C17orf58: variants seen among roughly 807,000 people sequenced by gnomAD.
C17orf58 encodes the protein chromosome 17 open reading frame 58.
C17orf58 carries 5 observed loss-of-function variants against 7.4 expected under a neutral mutation model. The ratio of observed to expected loss-of-function variants is 0.67; its 90% CI spans 0.35 to 1.42. The LOEUF (loss-of-function observed/expected upper bound fraction) is 1.42, where lower values mean the gene tolerates loss of function less well. Among genes scored for constraint, C17orf58 ranks in the 40% most tolerant of loss-of-function variants. The pLI, the probability that C17orf58 is intolerant of heterozygous loss-of-function variation, is 0.04. For synonymous variants in C17orf58, 60 were observed against 70.6 expected, an observed-to-expected ratio of 0.85 and a Z score of 0.75; for missense variants, 162 against 174.2, an observed-to-expected ratio of 0.93 and a Z score of 0.40.
At position 67,994,535 on chromosome 17, in the gene C17orf58, T is replaced by TATATATATATATATATATATAA. The variant is rs71142122; in HGVS notation, c.77-552_77-551insTTATATATATATATATATATAT. ...GTGTGTGTATATATATATATATATA[T>TATATATATATATATATATATAA]AAAACATATATAAACATCCGCCTCT... is the stretch of plus-strand genomic sequence containing the variant. On this transcript the variant is annotated intron_variant, in intron 1 of 3. Coordinates refer to ENST00000580729, the MANE Select transcript of C17orf58 (RefSeq NM_001382359.1). Among the ~76,000 whole-genome samples, 182 of 99,572 alleles carry TATATATATATATATATATATAA rather than the reference T, an allele frequency of 1.8e-3. 2 individuals are homozygous for TATATATATATATATATATATAA. The highest frequency in any genetic ancestry group is 2.5e-3 in the Non-Finnish European group (108 of 43,566). 65.3% of individuals were successfully genotyped at this position (99,572 alleles called of 152,430 possible). A position where few individuals can be genotyped will look rare whatever the true frequency, so the allele number is the denominator to read the frequency against.
Position 67,993,670 on chromosome 17 carries a change from C to T in C17orf58, c.391G>A (p.Ala131Thr), listed in dbSNP as rs2148737447. The T allele has an allele frequency of 6.8e-6, 1 of 146,266 alleles. No homozygotes were observed. Among genetic ancestry groups the T allele is most frequent in the South Asian group, 1.8e-4 (1 of 5,586 alleles). The allele number at this position is 146,266 out of a possible 1,614,324, so 9.1% of individuals were successfully genotyped here. The change falls in exon 2 of 4, where the codon GCC (alanine) becomes ACC (threonine). Residue 131 changes from alanine (A) to threonine (T), a missense_variant. Transcript: ENST00000580729. This position sits in a 1 kb window ranked among gnomAD's most constrained non-coding sequence, Gnocchi z 5.1. The part of the protein sequence containing the change: ...EDAPRRARSR[A>T]LRFPAARPPA... ...GGCCGGGCGGCGGGGAAGCGCAGGG[C>T]CCGTGAGCGCGCGCGTCGCGGGGCG...
intron 1 of C17orf58, among the ~76,000 whole-genome samples, chr17:67,994,498 G>A (rs1432949891): frequency 8.7e-5 from 7 of 80,502 alleles, no homozygotes; most frequent in South Asian, 4.2e-4. Flanking sequence ...GTGTGCGTGT[G>A]TGTGTGTGTG....
chr17:67,992,083 C>T lies in C17orf58; in HGVS notation c.850G>A (p.Gly284Ser). The T allele has an allele frequency of 6.3e-7, 1 of 1,595,766 alleles. No homozygotes were observed. The highest frequency in any genetic ancestry group is 8.5e-7 in the Non-Finnish European group (1 of 1,172,408). ...FKPGSRYIVM[G>S]HIYHKRRQLP... is the part of the protein sequence containing the mutation. ...TGCCGTCTCTTATGGTAGATGTGGC[C>T]CATCACAATATACCTGCTGCCTGGA... The change falls in exon 4 of 4, where the codon GGC becomes AGC. Residue 284 changes from glycine to serine, a missense_variant. Physicochemically the swap from Gly to Ser is moderately conservative, Grantham distance 56. Transcript: ENST00000580729.
Position 67,991,954 on chromosome 17 carries a change from C to G in C17orf58, c.979G>C (p.Glu327Gln). 6.2e-7 allele frequency: 1 copy of G among 1,613,100 alleles called. No individual in the cohort carries two copies. Among genetic ancestry groups the G allele is most frequent in the South Asian group, 1.1e-5 (1 of 90,704 alleles). Residue 327 changes from glutamate (E) to glutamine (Q), a missense_variant, in exon 4 of 4, where the codon GAA becomes CAA. This residue lies in a region of C17orf58 where 65 missense variants were observed against 66.4 expected (regional missense o/e 0.98). Transcript: ENST00000580729. The part of the protein sequence containing the change: ...SYVKRFNRKR[E>Q]GQIQGAIHTQ... ...TGAATTGCACCTTGAATCTGCCCTTCCCTTTTTCGATTAAACCTTTTCACA... is the reference window on the plus strand; with the variant it reads ...TGAATTGCACCTTGAATCTGCCCTTGCCTTTTTCGATTAAACCTTTTCACA...
rs1304331860 is a variant in C17orf58, at chr17:67,996,298, A to T, written c.-100T>A. On this transcript the variant is annotated 5_prime_UTR_variant, in exon 1 of 4. An upstream open reading frame in the 5' UTR gains an earlier in-frame stop. Coordinates refer to ENST00000580729, the MANE Select transcript of C17orf58 (RefSeq NM_001382359.1). Reference sequence around the variant, plus strand: ...CCACACCCCCACCCCCGTTCATGCTAATGAGGGGCAGCCTTTGGGGAAACG... The same window carrying T: ...CCACACCCCCACCCCCGTTCATGCTTATGAGGGGCAGCCTTTGGGGAAACG... The T allele has an allele frequency of 7.6e-6, 3 of 394,488 alleles. No homozygotes were observed. Among genetic ancestry groups the T allele is most frequent in the Non-Finnish European group, 1.3e-5 (3 of 224,380 alleles). The allele number at this position is 394,488 out of a possible 1,614,324, so 24.4% of individuals were successfully genotyped here. A position where few individuals can be genotyped will look rare whatever the true frequency, so the allele number is the denominator to read the frequency against.
chr17:67,995,943 A>G (rs1221592703), intron 1 of C17orf58, among the ~76,000 whole-genome samples, 180 bp downstream of exon 1: 5 of 152,366 alleles, frequency 3.3e-5, no homozygotes, highest in African/African-American at 9.6e-5. Context: ...AAAGGCTGCC[A>G]AGAGACACGA....
At chr17:67,994,510 G>GCATA (rs1555699603) in intron 1 of C17orf58, among the ~76,000 whole-genome samples, 5 of 71,510 alleles carry the variant, frequency 7.0e-5, no homozygotes, top group Non-Finnish European at 5.8e-5. Flanking sequence ...GTGTGTGTGT[G>GCATA]TGTGTGTATA....
rs781908427 is a variant in C17orf58 at position 67,992,007 on chromosome 17, T to A, written c.926A>T (p.Asp309Val). 1 of 1,613,146 alleles carries A rather than the reference T, an allele frequency of 6.2e-7. No homozygotes were observed. The highest frequency in any genetic ancestry group is 8.5e-7 in the Non-Finnish European group (1 of 1,179,576). The change falls in exon 4 of 4, where the codon GAT (aspartate) becomes GTT (valine). Residue 309 changes from aspartate to valine, a missense_variant. By Grantham distance (152) the Asp-to-Val change is radical (BLOSUM62 -3). This residue lies in a region of C17orf58 where 65 missense variants were observed against 66.4 expected (regional missense o/e 0.98). Coordinates refer to ENST00000580729, the MANE Select transcript of C17orf58 (RefSeq NM_001382359.1). ...GCTGCTGCTGCTCCTTAGCAGTCCATCCCCTGGACGGAGGCGGCCTCTCAG... is the reference window on the plus strand; with the variant it reads ...GCTGCTGCTGCTCCTTAGCAGTCCAACCCCTGGACGGAGGCGGCCTCTCAG... The part of the protein sequence containing the change: ...QVLRGRLRPG[D>V]GLLRSSSSYV...
Position 67,991,825 on chromosome 17 carries a change from G to T in C17orf58, c.*88C>A. 9.0e-7 allele frequency: 1 copy of T among 1,107,482 alleles called. No homozygotes were observed. The highest frequency in any genetic ancestry group is 1.3e-6 in the Non-Finnish European group (1 of 772,424). 68.6% of individuals were successfully genotyped at this position (1,107,482 alleles called of 1,614,324 possible). The stretch of plus-strand genomic sequence containing the variant: ...GAGTAGCTGAGGGCTCTCTTCTGAA[G>T]GAGGACCCATTACATGAAGGTAGAC... On this transcript the variant is annotated 3_prime_UTR_variant, in exon 4 of 4. Transcript: ENST00000580729.
Position 67,991,772 on chromosome 17 carries a change from A to C in C17orf58, c.*141T>G, listed in dbSNP as rs2070833049. ...ATAACAAAGTGACACCTTCGAGATT[A>C]CAGTTGCAGCTATGCAAGTCATTCA... On this transcript the variant is annotated 3_prime_UTR_variant, in exon 4 of 4. Transcript: ENST00000580729. 1.6e-6 allele frequency: 1 copy of C among 644,688 alleles called. No homozygotes were observed. Among genetic ancestry groups the C allele is most frequent in the Non-Finnish European group, 2.6e-6 (1 of 386,084 alleles). The allele number at this position is 644,688 out of a possible 1,614,324, so 39.9% of individuals were successfully genotyped here.
Position 67,993,461 on chromosome 17 carries a change from A to G in C17orf58, c.600T>C (p.Asp200=), listed in dbSNP as rs1264726126. The G allele has an allele frequency of 2.1e-6, 1 of 471,494 alleles. No individual in the cohort carries two copies. Among genetic ancestry groups the G allele is most frequent in the Non-Finnish European group, 3.7e-6 (1 of 271,720 alleles). The allele number at this position is 471,494 out of a possible 1,614,324, so 29.2% of individuals were successfully genotyped here. The change falls in exon 2 of 4, where the codon GAT becomes GAC. Residue 200 remains aspartate, a synonymous_variant. Coordinates refer to ENST00000580729, the MANE Select transcript of C17orf58 (RefSeq NM_001382359.1). This position sits in a 1 kb window ranked among gnomAD's most constrained non-coding sequence, Gnocchi z 5.1. ...CGCAGAACGCCTCGCGTTCGTCCAG[A>G]TCGGACCGGCAGGCGCGCGCGCAGG... ...AEPCARACRS[D]LDEREAFCES...
chr17:67,994,510 GTGTGTGTA>G (rs1416825835), intron 1 of C17orf58, among the ~76,000 whole-genome samples: 3 of 71,510 alleles, frequency 4.2e-5, no homozygotes, highest in Admixed American at 1.5e-4. Context: ...GTGTGTGTGT[GTGTGTGTA>G]TATATATATA....
rs2070891994 is a variant in C17orf58 at position 67,996,443 on chromosome 17, G to C, written c.-245C>G. On this transcript the variant is annotated 5_prime_UTR_variant, in exon 1 of 4. Coordinates refer to ENST00000580729, the MANE Select transcript of C17orf58 (RefSeq NM_001382359.1). ...AGTTGTCCCCGGGAATGTCTGTCCT[G>C]TGATCTGCGGGCGAGGAGAGCATCA... 6.1e-6 allele frequency: 2 copies of C among 328,544 alleles called. No homozygotes were observed. Among genetic ancestry groups the C allele is most frequent in the Non-Finnish European group, 1.1e-5 (2 of 182,690 alleles). 20.4% of individuals were successfully genotyped at this position (328,544 alleles called of 1,614,324 possible). A position where few individuals can be genotyped will look rare whatever the true frequency, so the allele number is the denominator to read the frequency against.
intron 1 of C17orf58, among the ~76,000 whole-genome samples, chr17:67,995,908 A>T (rs1453052930): frequency 6.6e-6 from 1 of 152,232 alleles, no homozygotes; most frequent in South Asian, 2.1e-4. Context: ...GGATCATTTC[A>T]GTAGCTAAAT....
intron 3 of C17orf58, among the ~76,000 whole-genome samples, chr17:67,992,355 G>A (rs2070841632): frequency 6.6e-6 from 1 of 152,030 alleles, no homozygotes; most frequent in Non-Finnish European, 1.5e-5. Flanking sequence ...CTCACTTGAG[G>A]TCAGGAGTTT....
In C17orf58 at chr17:67,993,522, C is replaced by A. The variant is rs1249306347; in HGVS notation, c.539G>T (p.Ser180Ile). 1.1e-5 allele frequency: 4 copies of A among 380,474 alleles called. No homozygotes were observed. The highest frequency in any genetic ancestry group is 1.4e-5 in the Non-Finnish European group (3 of 215,152). 23.6% of individuals were successfully genotyped at this position (380,474 alleles called of 1,614,324 possible). A position where few individuals can be genotyped will look rare whatever the true frequency, so the allele number is the denominator to read the frequency against. The change falls in exon 2 of 4, where the codon AGC (serine) becomes ATC (isoleucine). Residue 180 changes from serine to isoleucine, a missense_variant. Ser to Ile is a moderately radical substitution (Grantham distance 142, BLOSUM62 -2). This residue lies in a region of C17orf58 where 93 missense variants were observed against 90.4 expected (regional missense o/e 1.03). Coordinates refer to ENST00000580729, the MANE Select transcript of C17orf58 (RefSeq NM_001382359.1). The surrounding 1 kb of genome is among the most constrained non-coding windows in gnomAD (Gnocchi z 5.1). ...PPRFSLSFGL[S>I]PPQRDAEPGA... The stretch of plus-strand genomic sequence containing the variant: ...GGGCTCCGCGTCCCTCTGCGGCGGG[C>A]TGAGGCCGAAGCTGAGGCTGAAGCG...
chr17:67,992,232 A>G, intron 3 of C17orf58, 129 bp from the exon 4 acceptor site: 1 of 795,472 alleles, frequency 1.3e-6, no homozygotes, highest in Non-Finnish European at 1.8e-6. Flanking sequence ...ACTGATATTG[A>G]GTCTACAGGC....
chr17:67,994,717 G>C lies in C17orf58; in HGVS notation c.77-733C>G, dbSNP rs539853295. ...CTGTCATCCCGGTCTCTGCAGAATC[G>C]AGCATTTGTAAGTGGATTTTTATCT... On this transcript the variant is annotated intron_variant, in intron 1 of 3. Coordinates refer to ENST00000580729, the MANE Select transcript of C17orf58 (RefSeq NM_001382359.1). 4.6e-5 allele frequency among the ~76,000 whole-genome samples: 7 copies of C among 151,780 alleles called. No individual in the cohort carries two copies. In the East Asian group the frequency reaches 9.7e-4, roughly 21 times the overall value.
At position 67,993,236 on chromosome 17, in the gene C17orf58, C is replaced by G; in HGVS notation, c.638-1G>C. 6.5e-7 allele frequency: 1 copy of G among 1,541,006 alleles called. No homozygotes were observed. The highest frequency in any genetic ancestry group is 8.8e-7 in the Non-Finnish European group (1 of 1,130,340). On this transcript the variant is annotated splice_acceptor_variant, in intron 2 of 3. Transcript: ENST00000580729. LOFTEE classifies it high-confidence loss of function. The surrounding 1 kb of genome is among the most constrained non-coding windows in gnomAD (Gnocchi z 5.1). ...ACATCGTGCACGATCCCGTTCACCG[C>G]TGCTTCCGAAAAACAGTTTGGAGAA...
Sources: allele counts gnomAD v4.1 joint callset (sites outside exome capture counted in the v4.1 genomes callset), GRCh38; gene constraint gnomAD v4.1.1; regional missense constraint gnomAD v4.1.1; non-coding constraint Gnocchi (gnomAD v3.1); transcripts MANE v1.5; gene names NCBI Gene and HGNC (gene_info 2026-07-23, HGNC 2026-07-21).